The following FAM227B variants were observed in gnomAD, a reference collection of about 807,000 sequenced individuals.
FAM227B encodes the protein family with sequence similarity 227 member B.
FAM227B carries 88 observed loss-of-function variants against 73.8 expected under a neutral mutation model. The observed-to-expected ratio is 1.19, with a 90% CI of 1.00 to 1.42. The LOEUF is 1.42. FAM227B is among the 40% of genes most tolerant of loss of function. The pLI, the probability that FAM227B is intolerant of heterozygous loss-of-function variation, is 0.00. For missense variants in FAM227B, 632 were observed against 590.9 expected (o/e 1.07, Z -0.72); for synonymous variants, 210 against 190.5 (o/e 1.10, Z -0.84).
intron 9 of FAM227B, among the ~76,000 whole-genome samples, chr15:49,552,576 T>C (rs890624534): frequency 6.6e-6 from 1 of 152,162 alleles, no homozygotes; most frequent in Non-Finnish European, 1.5e-5. Flanking sequence ...ATCTACCCCA[T>C]CTCTTTTTCT....
chr15:49,366,035 TTAGA>T, intron 13 of FAM227B: 1 of 806,990 alleles, frequency 1.2e-6, no homozygotes, highest in South Asian at 1.3e-5. Flanking sequence ...GGACTAAAAG[TTAGA>T]TATTCTTCCT....
rs747851240 is a variant in FAM227B at position 49,328,612 on chromosome 15, G to GTGATGATGA, written c.1474_1482dup (p.Ser492_Ser494dup). 1 of 1,590,932 alleles carries GTGATGATGA rather than the reference G, an allele frequency of 6.3e-7. No homozygotes were observed. The highest frequency in any genetic ancestry group is 8.6e-7 in the Non-Finnish European group (1 of 1,165,212). On this transcript the variant is annotated inframe_insertion, in exon 16 of 16. Coordinates refer to ENST00000299338, the MANE Select transcript of FAM227B (RefSeq NM_152647.3). The stretch of plus-strand genomic sequence containing the variant: ...AAGTTGTAGTTGTCTGTTGATGATG[G>GTGATGATGA]TGATGATGATGATGATGACGATAGT...
intron 11 of FAM227B, among the ~76,000 whole-genome samples, chr15:49,458,971 GAAC>G (rs2053556372): frequency 1.3e-5 from 2 of 151,988 alleles, no homozygotes; most frequent in African/African-American, 2.4e-5. Context: ...CTGCTATCCA[GAAC>G]AATAAAGCAA....
chr15:49,446,110 G>T (rs2052182090), intron 11 of FAM227B, among the ~76,000 whole-genome samples: 1 of 151,548 alleles, frequency 6.6e-6, no homozygotes, highest in African/African-American at 2.4e-5. Context: ...AAGTAAAGAT[G>T]AAGTAATTAG....
chr15:49,598,849 C>T (rs1555565999), intron 3 of FAM227B, among the ~76,000 whole-genome samples: 1 of 151,910 alleles, frequency 6.6e-6, no homozygotes, highest in Non-Finnish European at 1.5e-5. Context: ...ATTGGGTTCG[C>T]TTGTTTTTGT....
chr15:49,404,579 G>A (rs987717285), intron 11 of FAM227B, among the ~76,000 whole-genome samples: 4 of 151,814 alleles, frequency 2.6e-5, no homozygotes, highest in African/African-American at 9.7e-5. Context: ...CATTAGGATT[G>A]CAACTCCTTT....
chr15:49,351,580 T>TA (rs1482784893), intron 13 of FAM227B, among the ~76,000 whole-genome samples: 1 of 152,206 alleles, frequency 6.6e-6, no homozygotes, highest in Non-Finnish European at 1.5e-5. Flanking sequence ...AACTAACACA[T>TA]ACACCGTCCC....
rs543659703 is a variant in FAM227B, at chr15:49,535,680, C to G, written c.874+6000G>C. 2.0e-5 allele frequency among the ~76,000 whole-genome samples: 3 copies of G among 151,776 alleles called. No individual in the cohort carries two copies. The South Asian group carries it at 6.2e-4, about 31-fold the overall frequency. The stretch of plus-strand genomic sequence containing the variant: ...AAATCCTTAATAAGATATTAGCAAA[C>G]CAAATTTAAAAGCACATGAAAAAGA... On this transcript the variant is annotated intron_variant, in intron 10 of 15. Coordinates refer to ENST00000299338, the MANE Select transcript of FAM227B (RefSeq NM_152647.3).
intron 10 of FAM227B, among the ~76,000 whole-genome samples, chr15:49,537,200 T>A (rs1178084360): frequency 1.3e-5 from 2 of 152,112 alleles, no homozygotes; most frequent in Non-Finnish European, 2.9e-5. Context: ...ATCTATAATT[T>A]ATAAAGAATT....
chr15:49,416,583 T>A (rs1316986069), intron 11 of FAM227B, among the ~76,000 whole-genome samples: 1 of 152,134 alleles, frequency 6.6e-6, no homozygotes, highest in African/African-American at 2.4e-5. Context: ...TGTTTGCAGA[T>A]GACATGATTT....
At chr15:49,564,339 T>C (rs1301772534) in intron 9 of FAM227B, among the ~76,000 whole-genome samples, 1 of 152,172 alleles carries the variant, frequency 6.6e-6, no homozygotes, top group African/African-American at 2.4e-5. Context: ...AAACAATGGA[T>C]GCTGGCAAGG....
At chr15:49,456,284 G>T (rs144872211) in intron 11 of FAM227B, among the ~76,000 whole-genome samples, 13 of 152,102 alleles carry the variant, frequency 8.5e-5, no homozygotes, top group Admixed American at 5.9e-4. Context: ...ATAATAGAAT[G>T]CTTTGTGAAA....
chr15:49,356,382 G>T (rs1300994567), intron 13 of FAM227B, among the ~76,000 whole-genome samples: 1 of 150,026 alleles, frequency 6.7e-6, no homozygotes, highest in Non-Finnish European at 1.5e-5. Flanking sequence ...TAAAAGGATG[G>T]AGGAAGATCT....
chr15:49,603,724 T>G (rs1728460310), intron 3 of FAM227B, among the ~76,000 whole-genome samples: 1 of 152,202 alleles, frequency 6.6e-6, no homozygotes, highest in Non-Finnish European at 1.5e-5. Context: ...GCATCCTTGT[T>G]GTGTTCCTGA....
intron 1 of FAM227B, among the ~76,000 whole-genome samples, chr15:49,617,480 G>C (rs550466125): frequency 6.6e-6 from 1 of 151,908 alleles, no homozygotes; most frequent in Non-Finnish European, 1.5e-5. Flanking sequence ...CTAGAAACTA[G>C]AACAAAAATG....
intron 13 of FAM227B, among the ~76,000 whole-genome samples, chr15:49,360,033 C>G (rs9744816): frequency 0.18 from 24,377 of 137,024 alleles, 2,317 homozygotes; most frequent in Middle Eastern, 0.22. Context: ...GGTGGGAATT[C>G]AACAATGAGA....
At chr15:49,423,197 G>A (rs1423071949) in intron 11 of FAM227B, 1 of 154,664 alleles carries the variant, frequency 6.5e-6, no homozygotes, top group Non-Finnish European at 1.4e-5. Context: ...TGCTTCCAAT[G>A]AGGTCAGCAA....
At chr15:49,550,324 C>T (rs1161135093) in intron 9 of FAM227B, among the ~76,000 whole-genome samples, 12 of 142,252 alleles carry the variant, frequency 8.4e-5, no homozygotes, top group South Asian at 4.7e-4. Context: ...GGCGGCTGGC[C>T]GGGCGGCGGG....
chr15:49,366,526 T>A, intron 13 of FAM227B: 6 of 1,497,674 alleles, frequency 4.0e-6, no homozygotes, highest in Non-Finnish European at 5.6e-6. Flanking sequence ...CTAGGGTACT[T>A]GGAAGAGCTG....
Sources: gnomAD v4.1 joint callset for allele counts (sites outside exome capture counted in the v4.1 genomes callset) on GRCh38, gnomAD v4.1.1 for gene constraint, MANE v1.5 for transcripts, NCBI Gene and HGNC (gene_info 2026-07-23, HGNC 2026-07-21) for gene names.